Variants in EPHA3 observed in about 807,000 individuals in gnomAD.
EPHA3 encodes EPH receptor A3, also known as ephrin type-A receptor 3.
A neutral mutation model predicts 107.1 loss-of-function variants in EPHA3; 42 were observed. That is an observed-to-expected ratio of 0.39 (90% confidence interval 0.31 to 0.51). EPHA3 has a LOEUF of 0.51. EPHA3 is among the 20% of genes least tolerant of loss of function. The pLI is 0.78. For missense variants in EPHA3, 1,183 were observed against 1,211.2 expected (o/e 0.98, Z 0.35); for synonymous variants, 461 against 424.8 (o/e 1.09, Z -1.05).
chr3:89,243,078 A>G (rs1446203147), intron 3 of EPHA3, among the ~76,000 whole-genome samples: 1 of 152,080 alleles, frequency 6.6e-6, no homozygotes, highest in Non-Finnish European at 1.5e-5. Flanking sequence ...TACAAAGGAC[A>G]TGAACTCATC....
At chr3:89,417,003 A>T (rs1661818527) in intron 10 of EPHA3, among the ~76,000 whole-genome samples, 1 of 151,500 alleles carries the variant, frequency 6.6e-6, no homozygotes, top group African/African-American at 2.4e-5. Context: ...TTCATTTGTC[A>T]GTTTGATTTA....
At chr3:89,244,517 T>C (rs1704986122) in intron 3 of EPHA3, among the ~76,000 whole-genome samples, 1 of 152,156 alleles carries the variant, frequency 6.6e-6, no homozygotes, top group African/African-American at 2.4e-5. Context: ...GAAGCCAATG[T>C]ATTTATATTA....
chr3:89,468,668 A>G (rs1038394354), intron 15 of EPHA3, among the ~76,000 whole-genome samples: 3 of 152,332 alleles, frequency 2.0e-5, no homozygotes, highest in African/African-American at 7.2e-5. Context: ...TAGGTTTCAC[A>G]TGATTTTTCT....
At chr3:89,173,339 A>G (rs1705249944) in intron 2 of EPHA3, among the ~76,000 whole-genome samples, 1 of 152,048 alleles carries the variant, frequency 6.6e-6, no homozygotes, top group Non-Finnish European at 1.5e-5. Context: ...CCAAAAATGC[A>G]TTTTATATAT....
chr3:89,309,592 C>T (rs954310364), intron 3 of EPHA3, among the ~76,000 whole-genome samples: 1 of 152,086 alleles, frequency 6.6e-6, no homozygotes, highest in Non-Finnish European at 1.5e-5. Flanking sequence ...CTTTTACTAG[C>T]CTATCCCATA....
chr3:89,125,041 C>T (rs1481729390), intron 1 of EPHA3, among the ~76,000 whole-genome samples: 2 of 151,678 alleles, frequency 1.3e-5, no homozygotes, highest in African/African-American at 4.8e-5. Flanking sequence ...ACCTACATTC[C>T]AATAAGTAAT....
chr3:89,227,359 A>AT (rs1354299285), intron 3 of EPHA3, among the ~76,000 whole-genome samples: 1 of 152,008 alleles, frequency 6.6e-6, no homozygotes, highest in Non-Finnish European at 1.5e-5. Context: ...CAGACGTGGG[A>AT]TGTAGTCCTG....
intron 2 of EPHA3, among the ~76,000 whole-genome samples, chr3:89,197,781 G>T (rs1705872033): frequency 1.3e-5 from 2 of 152,048 alleles, no homozygotes. Context: ...TTCGAGACTA[G>T]CCTGGCCAAC....
At chr3:89,313,207 A>G (rs1706808036) in intron 3 of EPHA3, among the ~76,000 whole-genome samples, 1 of 151,872 alleles carries the variant, frequency 6.6e-6, no homozygotes, top group Non-Finnish European at 1.5e-5. Flanking sequence ...CCACTTTCAA[A>G]TTATTTTTGT....
intron 15 of EPHA3, among the ~76,000 whole-genome samples, chr3:89,451,880 C>CGTGTGTGT (rs146055053): frequency 1.4e-5 from 2 of 144,186 alleles, no homozygotes; most frequent in Non-Finnish European, 1.5e-5. Flanking sequence ...TCAAGCAGGG[C>CGTGTGTGT]GTGTGTGTGT....
chr3:89,394,325 G>C (rs1490179296), intron 5 of EPHA3, among the ~76,000 whole-genome samples: 1 of 152,050 alleles, frequency 6.6e-6, no homozygotes, highest in Non-Finnish European at 1.5e-5. Context: ...CCTGGGAGGT[G>C]GAGGCTGCAG....
At chr3:89,248,307 G>A (rs1446357657) in intron 3 of EPHA3, among the ~76,000 whole-genome samples, 1 of 152,010 alleles carries the variant, frequency 6.6e-6, no homozygotes, top group African/African-American at 2.4e-5. Flanking sequence ...TGAGCTATCT[G>A]CAGCAAGTGC....
rs186420434 is a variant in EPHA3 at position 89,205,796 on chromosome 3, T to C, written c.154-4064T>C. ...ACCAAATTCTATGTTACCATTGCTA[T>C]GTCTCCCTTTTTTTTTTCATCTCTG... On this transcript the variant is annotated intron_variant, in intron 2 of 16. Coordinates refer to ENST00000336596, the MANE Select transcript of EPHA3 (RefSeq NM_005233.6). Among the ~76,000 whole-genome samples the C allele has an allele frequency of 2.6e-5, 4 of 151,804 alleles. No homozygotes were observed. The East Asian group carries it at 7.7e-4, about 29-fold the overall frequency.
chr3:89,281,951 G>T (rs964300016), intron 3 of EPHA3, among the ~76,000 whole-genome samples: 2 of 152,106 alleles, frequency 1.3e-5, no homozygotes, highest in African/African-American at 4.8e-5. Flanking sequence ...TCTAGTTATT[G>T]GGCTGATGTG....
chr3:89,316,439 A>G (rs1175110653), intron 3 of EPHA3, among the ~76,000 whole-genome samples: 4 of 149,530 alleles, frequency 2.7e-5, no homozygotes, highest in African/African-American at 7.3e-5. Context: ...AACATCTGGT[A>G]CAATACAGAG....
chr3:89,451,083 T>A (rs1205911086), intron 15 of EPHA3, among the ~76,000 whole-genome samples: 1 of 152,222 alleles, frequency 6.6e-6, no homozygotes, highest in Non-Finnish European at 1.5e-5. Context: ...ATATTGCGTA[T>A]CAATTACTTT....
chr3:89,471,275 C>A (rs566577456), intron 15 of EPHA3, among the ~76,000 whole-genome samples: 60 of 152,068 alleles, frequency 3.9e-4, no homozygotes, highest in African/African-American at 1.3e-3. Flanking sequence ...TATGCCTCTT[C>A]TGTTCCATTG....
chr3:89,322,544 C>T (rs1051517267), intron 3 of EPHA3, among the ~76,000 whole-genome samples: 5 of 151,990 alleles, frequency 3.3e-5, no homozygotes, highest in South Asian at 4.2e-4. Context: ...TAAATGAAGG[C>T]TCCTTCCAAA....
intron 5 of EPHA3, among the ~76,000 whole-genome samples, chr3:89,390,348 T>C (rs544807237): frequency 2.6e-5 from 4 of 152,206 alleles, no homozygotes; most frequent in Non-Finnish European, 5.9e-5. Flanking sequence ...CCTGTAATGC[T>C]AGCACTTTGG....
Sources: allele counts gnomAD v4.1 joint callset (sites outside exome capture counted in the v4.1 genomes callset), GRCh38; gene constraint gnomAD v4.1.1; transcripts MANE v1.5; gene names NCBI Gene and HGNC (gene_info 2026-07-23, HGNC 2026-07-21).